Variants in CTNND2 observed in about 807,000 individuals in gnomAD.
CTNND2 encodes the protein catenin delta-2.
A neutral mutation model predicts 144.4 loss-of-function variants in CTNND2; 22 were observed. The observed-to-expected ratio is 0.15, with a 90% confidence interval of 0.11 to 0.22. CTNND2 has a LOEUF of 0.22. Ranked by LOEUF, CTNND2 falls within the 10% of genes least tolerant of loss-of-function variation. CTNND2 has a pLI of 1.00. For synonymous variants in CTNND2, 751 were observed against 695.6 expected (o/e 1.08, Z -1.25); for missense variants, 1,353 against 1,618.8 (o/e 0.84, Z 2.82).
At chr5:11,006,077 G>A (rs1488813915) in intron 18 of CTNND2, among the ~76,000 whole-genome samples, 2 of 152,124 alleles carry the variant, frequency 1.3e-5, no homozygotes, top group East Asian at 3.8e-4. Flanking sequence ...AAAACCATGG[G>A]AGCAGATGAG....
chr5:11,892,194 G>T (rs116569164), intron 1 of CTNND2, among the ~76,000 whole-genome samples: 365 of 152,176 alleles, frequency 2.4e-3, no homozygotes, highest in Middle Eastern at 6.8e-3. Context: ...TTTTCCACAT[G>T]CAGCTTAGCT....
At chr5:11,261,119 T>G (rs1744817283) in intron 9 of CTNND2, among the ~76,000 whole-genome samples, 1 of 152,142 alleles carries the variant, frequency 6.6e-6, no homozygotes, top group Non-Finnish European at 1.5e-5. Context: ...TACTTCACCT[T>G]GGCCCAGAAA....
At chr5:11,601,949 G>T (rs946440127) in intron 2 of CTNND2, among the ~76,000 whole-genome samples, 2 of 151,894 alleles carry the variant, frequency 1.3e-5, no homozygotes, top group African/African-American at 4.8e-5. Context: ...ACTCAAATCT[G>T]CCCCCGCCAA....
Position 11,356,244 on chromosome 5 carries a change from C to T in CTNND2, c.1372+8452G>A, listed in dbSNP as rs10041695. Among the ~76,000 whole-genome samples, 743 of 152,098 alleles carry T rather than the reference C, an allele frequency of 4.9e-3. 8 individuals are homozygous for T. The highest frequency in any genetic ancestry group is 0.017 in the African/African-American group (715 of 41,534). ...AAAAAAAGGCCCTTAAGAGCCAAAG[C>T]AATCTTGAGCAAACAGAACAAAACT... is the stretch of plus-strand genomic sequence containing the variant. On this transcript the variant is annotated intron_variant, in intron 8 of 21. Transcript: ENST00000304623.
intron 13 of CTNND2, among the ~76,000 whole-genome samples, chr5:11,116,695 G>A (rs1451708074): frequency 1.3e-5 from 2 of 152,120 alleles, no homozygotes; most frequent in Admixed American, 1.3e-4. Context: ...AGATCTTGCA[G>A]GCCTTTTAAA....
intron 1 of CTNND2, among the ~76,000 whole-genome samples, chr5:11,779,234 A>G (rs1790415176): frequency 6.6e-6 from 1 of 152,202 alleles, no homozygotes; most frequent in Admixed American, 6.5e-5. Context: ...TTTTAACCAT[A>G]TATTTTTAAT....
intron 1 of CTNND2, among the ~76,000 whole-genome samples, chr5:11,746,352 G>A (rs537227685): frequency 1.3e-5 from 2 of 152,000 alleles, no homozygotes; most frequent in Admixed American, 1.3e-4. Flanking sequence ...CTTCCTCTCT[G>A]AAGCCTTTTG....
intron 3 of CTNND2, among the ~76,000 whole-genome samples, chr5:11,525,908 T>C (rs527565360): frequency 3.2e-4 from 48 of 152,280 alleles, no homozygotes; most frequent in Middle Eastern, 3.4e-3. Context: ...ACTTGTTTTT[T>C]TGTTTGTTCG....
At chr5:11,336,376 C>T (rs957826107) in intron 9 of CTNND2, among the ~76,000 whole-genome samples, 12 of 152,180 alleles carry the variant, frequency 7.9e-5, no homozygotes, top group Non-Finnish European at 1.6e-4. Flanking sequence ...CTATTAAATA[C>T]ATAAACACAC....
chr5:11,473,712 C>A (rs1248142015), intron 3 of CTNND2, among the ~76,000 whole-genome samples: 1 of 152,192 alleles, frequency 6.6e-6, no homozygotes, highest in Non-Finnish European at 1.5e-5. Context: ...CAGAGCACTG[C>A]AAACAGACCA....
chr5:11,382,593 C>CTGTGTGTGTG (rs1491128983), intron 7 of CTNND2, among the ~76,000 whole-genome samples: 1 of 55,870 alleles, frequency 1.8e-5, no homozygotes, highest in African/African-American at 6.4e-5. Context: ...CAGAGTGAGA[C>CTGTGTGTGTG]TCTGTGTGTG....
intron 8 of CTNND2, among the ~76,000 whole-genome samples, chr5:11,350,987 A>G (rs1755276322): frequency 6.6e-6 from 1 of 152,212 alleles, no homozygotes. Context: ...TGCGTATGGC[A>G]TTGAGTAAAA....
At chr5:11,124,918 G>C (rs1754519106) in intron 12 of CTNND2, among the ~76,000 whole-genome samples, 1 of 152,162 alleles carries the variant, frequency 6.6e-6, no homozygotes, top group African/African-American at 2.4e-5. Context: ...TAAGTGGTTT[G>C]AGCAGCCCCT....
At chr5:11,561,571 T>C (rs948228797) in intron 3 of CTNND2, among the ~76,000 whole-genome samples, 2 of 152,202 alleles carry the variant, frequency 1.3e-5, no homozygotes, top group African/African-American at 4.8e-5. Context: ...AGTTATAACC[T>C]ACAGAGGTAG....
chr5:11,556,409 C>T (rs534330481), intron 3 of CTNND2, among the ~76,000 whole-genome samples: 2 of 152,170 alleles, frequency 1.3e-5, no homozygotes, highest in East Asian at 3.9e-4. Flanking sequence ...CTTTGTGAAA[C>T]AATTATATTC....
intron 3 of CTNND2, among the ~76,000 whole-genome samples, chr5:11,452,758 A>G (rs1369624620): frequency 1.3e-5 from 2 of 152,248 alleles, no homozygotes; most frequent in South Asian, 2.1e-4. Context: ...ATACTCTGGC[A>G]TAGAATCTAA....
At chr5:11,823,695 T>C (rs1414096313) in intron 1 of CTNND2, among the ~76,000 whole-genome samples, 3 of 152,128 alleles carry the variant, frequency 2.0e-5, no homozygotes, top group African/African-American at 7.2e-5. Flanking sequence ...ATGTAAAAGG[T>C]TTCTAGGCCA....
intron 9 of CTNND2, among the ~76,000 whole-genome samples, chr5:11,294,288 T>C (rs1292691664): frequency 6.6e-6 from 1 of 152,186 alleles, no homozygotes; most frequent in African/African-American, 2.4e-5. Context: ...TTTTTAGTAT[T>C]TGGGTGATAA....
rs1048875724 is a variant in CTNND2, at chr5:11,742,671, T to C, written c.38-10399A>G. Among the ~76,000 whole-genome samples, 5 of 152,330 alleles carry C rather than the reference T, an allele frequency of 3.3e-5. No homozygotes were observed. The South Asian group carries it at 6.2e-4, about 19-fold the overall frequency. On this transcript the variant is annotated intron_variant, in intron 1 of 21. Transcript: ENST00000304623. ...GGCATTAGAACATCCCAGGTATTGT[T>C]ATTTAAATATATATGTAAATATGAG...
Sources: gnomAD v4.1 joint callset for allele counts (sites outside exome capture counted in the v4.1 genomes callset) on GRCh38, gnomAD v4.1.1 for gene constraint, MANE v1.5 for transcripts, NCBI Gene and HGNC (gene_info 2026-07-23, HGNC 2026-07-21) for gene names.